Variants in KIF16B observed in about 807,000 individuals in gnomAD.
KIF16B encodes kinesin-like protein KIF16B.
A neutral mutation model predicts 156.3 loss-of-function variants in KIF16B; 98 were observed. The ratio of observed to expected loss-of-function variants is 0.63; its 90% CI spans 0.53 to 0.74. The LOEUF (loss-of-function observed/expected upper bound fraction) is 0.74, where lower values mean the gene tolerates loss of function less well. Ranked by LOEUF, KIF16B falls within the 30% of genes least tolerant of loss-of-function variation. The probability of loss-of-function intolerance (pLI) is 0.00; values close to 1 mark genes in which losing one functional copy is unlikely to be tolerated. For missense variants in KIF16B, 1,421 were observed against 1,606.5 expected (o/e 0.88, Z 1.97); for synonymous variants, 564 against 583.7 (o/e 0.97, Z 0.49).
At chr20:16,453,042 A>G (rs1411434212) in intron 12 of KIF16B, among the ~76,000 whole-genome samples, 1 of 152,022 alleles carries the variant, frequency 6.6e-6, no homozygotes, top group African/African-American at 2.4e-5. Context: ...AACTCTAAAT[A>G]GACCAAGTTC....
intron 12 of KIF16B, among the ~76,000 whole-genome samples, chr20:16,457,050 G>A (rs936484086): frequency 2.0e-5 from 3 of 152,098 alleles, no homozygotes; most frequent in Non-Finnish European, 4.4e-5. Context: ...TTACTTACAA[G>A]CTAGCTCTGG....
In KIF16B at chr20:16,528,443, G is replaced by A; in HGVS notation, c.48-3C>T. On this transcript the variant is annotated splice_region_variant and splice_polypyrimidine_tract_variant and intron_variant, in intron 1 of 25. Coordinates refer to ENST00000354981, the MANE Select transcript of KIF16B (RefSeq NM_024704.5). ...ACTTGGCCTCCAAGTCCTTTTCCCT[G>A]CAATACAAATAATTCAGTAGTGGTT... 1 of 1,597,450 alleles carries A rather than the reference G, an allele frequency of 6.3e-7. No individual in the cohort carries two copies. Among genetic ancestry groups the A allele is most frequent in the Non-Finnish European group, 8.6e-7 (1 of 1,164,898 alleles).
At chr20:16,492,660 C>A (rs1282521476) in intron 12 of KIF16B, among the ~76,000 whole-genome samples, 1 of 152,038 alleles carries the variant, frequency 6.6e-6, no homozygotes, top group Non-Finnish European at 1.5e-5. Context: ...ATACCCTTTA[C>A]AGAAACATTA....
In KIF16B at chr20:16,392,384, G is replaced by A. The variant is rs150403737; in HGVS notation, c.1785-10637C>T. Among the ~76,000 whole-genome samples, 417 of 152,278 alleles carry A rather than the reference G, an allele frequency of 2.7e-3. 1 individual carries two copies. The highest frequency in any genetic ancestry group is 9.6e-3 in the African/African-American group (399 of 41,550). On this transcript the variant is annotated intron_variant, in intron 17 of 25. Coordinates refer to ENST00000354981, the MANE Select transcript of KIF16B (RefSeq NM_024704.5). Reference sequence around the variant, plus strand: ...TATCCTGAAAAACCATTTTGGTGACGTCTATAGTGGGTGGCCCAAGAAGGG... The same window carrying A: ...TATCCTGAAAAACCATTTTGGTGACATCTATAGTGGGTGGCCCAAGAAGGG...
At chr20:16,546,132 A>G (rs140840884) in intron 1 of KIF16B, among the ~76,000 whole-genome samples, 1 of 152,206 alleles carries the variant, frequency 6.6e-6, no homozygotes, top group Non-Finnish European at 1.5e-5. Context: ...TGCCAAGCAC[A>G]GTGGTTTAAT....
At position 16,410,114 on chromosome 20, in the gene KIF16B, C is replaced by CAT. The variant is rs775063194; in HGVS notation, c.1613-3660_1613-3659dup. ...AGGTACATATATATATATGTAGGTA[C>CAT]ATATATATATGTAGGTACATATATA... On this transcript the variant is annotated intron_variant, in intron 15 of 25. Coordinates refer to ENST00000354981, the MANE Select transcript of KIF16B (RefSeq NM_024704.5). Among the ~76,000 whole-genome samples, 196 of 93,266 alleles carry CAT rather than the reference C, an allele frequency of 2.1e-3. 1 individual carries two copies. The highest frequency in any genetic ancestry group is 2.3e-3 in the Non-Finnish European group (103 of 44,182). The allele number at this position is 93,266 out of a possible 152,430, so 61.2% of individuals were successfully genotyped here.
chr20:16,571,169 A>G (rs1014122491), intron 1 of KIF16B, among the ~76,000 whole-genome samples: 1 of 152,172 alleles, frequency 6.6e-6, no homozygotes, highest in Non-Finnish European at 1.5e-5. Context: ...CACCTCCTTC[A>G]GCATCAAACC....
At chr20:16,299,723 G>A (rs974098710) in intron 25 of KIF16B, among the ~76,000 whole-genome samples, 3 of 152,064 alleles carry the variant, frequency 2.0e-5, no homozygotes, top group African/African-American at 7.2e-5. Context: ...AAGTACTTCT[G>A]GCTCTGCACA....
rs57114751 is a variant in KIF16B, at chr20:16,469,254, T to TAAAAAAAAAAAAAAAAAAAAAA, written c.1302+25015_1302+25036dup. ...GGTGACAGAGCAGGACCCTGTGTCT[T>TAAAAAAAAAAAAAAAAAAAAAA]AAAAAAAAAAAAAAAAAAAAAAAAA... is the stretch of plus-strand genomic sequence containing the variant. On this transcript the variant is annotated intron_variant, in intron 12 of 25. Transcript: ENST00000354981. 1.5e-4 allele frequency among the ~76,000 whole-genome samples: 10 copies of TAAAAAAAAAAAAAAAAAAAAAA among 66,074 alleles called. 1 individual carries two copies. The highest frequency in any genetic ancestry group is 2.7e-4 in the Non-Finnish European group (9 of 33,740). 43.3% of individuals were successfully genotyped at this position (66,074 alleles called of 152,430 possible). A position where few individuals can be genotyped will look rare whatever the true frequency, so the allele number is the denominator to read the frequency against.
In KIF16B at chr20:16,371,908, T is replaced by A. The variant is rs147513419; in HGVS notation, c.3351-147A>T. 4.2e-3 allele frequency: 2,552 copies of A among 602,184 alleles called. 11 individuals carry two copies. The highest frequency in any genetic ancestry group is 5.9e-3 in the Non-Finnish European group (2,012 of 338,392). 37.3% of individuals were successfully genotyped at this position (602,184 alleles called of 1,614,324 possible). A position where few individuals can be genotyped will look rare whatever the true frequency, so the allele number is the denominator to read the frequency against. On this transcript the variant is annotated intron_variant, in intron 20 of 25. Coordinates refer to ENST00000354981, the MANE Select transcript of KIF16B (RefSeq NM_024704.5). The stretch of plus-strand genomic sequence containing the variant: ...AACAACTTGAGAACTTCAACATTTT[T>A]ATTTTTTTCAAGAAATCTGGTGCTA...
chr20:16,420,177 T>C (rs1306254592), intron 15 of KIF16B, among the ~76,000 whole-genome samples: 1 of 152,190 alleles, frequency 6.6e-6, no homozygotes, highest in Non-Finnish European at 1.5e-5. Context: ...TCACAATTAA[T>C]GCTCACAGTA....
chr20:16,400,256 A>G (rs2065615355), intron 17 of KIF16B, among the ~76,000 whole-genome samples: 1 of 152,232 alleles, frequency 6.6e-6, no homozygotes, highest in Non-Finnish European at 1.5e-5. Context: ...ATTTTCAACA[A>G]TGGACACTCT....
chr20:16,500,519 T>C (rs998379937), intron 10 of KIF16B, among the ~76,000 whole-genome samples: 3 of 152,222 alleles, frequency 2.0e-5, no homozygotes, highest in Non-Finnish European at 4.4e-5. Context: ...AAAGAAGAGT[T>C]AAAATTTTCT....
chr20:16,497,116 T>C (rs903707815), intron 11 of KIF16B, among the ~76,000 whole-genome samples: 2 of 152,138 alleles, frequency 1.3e-5, no homozygotes, highest in Non-Finnish European at 2.9e-5. Context: ...AGATCTCTTC[T>C]CTCTTTGGTT....
chr20:16,378,710 T>G, intron 19 of KIF16B, 95 bp downstream of exon 19: 1 of 1,253,878 alleles, frequency 8.0e-7, no homozygotes, highest in Non-Finnish European at 1.1e-6. Flanking sequence ...AAAGAATAAG[T>G]TAAAAAAAAA....
chr20:16,511,616 T>C (rs1296379112), intron 5 of KIF16B, 89 bp from the exon 6 acceptor site: 1 of 757,942 alleles, frequency 1.3e-6, no homozygotes, highest in Non-Finnish European at 2.2e-6. Flanking sequence ...CCTGCTGACA[T>C]AAATGGCCAC....
intron 25 of KIF16B, among the ~76,000 whole-genome samples, chr20:16,298,741 CA>C (rs374601534): frequency 1.7e-4 from 26 of 150,044 alleles, no homozygotes; most frequent in African/African-American, 3.9e-4. Context: ...AGTGTTCTTG[CA>C]AAAAAAAATC....
intron 3 of KIF16B, among the ~76,000 whole-genome samples, chr20:16,522,890 G>A (rs1442657384): frequency 6.6e-6 from 1 of 151,932 alleles, no homozygotes; most frequent in Admixed American, 6.6e-5. Flanking sequence ...CAATCACATG[G>A]AAACTGAACA....
chr20:16,527,651 A>T lies in KIF16B; in HGVS notation c.117+720T>A, dbSNP rs375449860. ...GAGTGCAGTGGCACAAACAGGGCTC[A>T]CTGTAGCCTTGATCTCCTGGGCTCA... On this transcript the variant is annotated intron_variant, in intron 2 of 25. Transcript: ENST00000354981. Among the ~76,000 whole-genome samples the T allele has an allele frequency of 6.2e-4, 94 of 152,258 alleles. 1 individual carries two copies. In the South Asian group the frequency reaches 0.016, roughly 27 times the overall value.
Sources: gnomAD v4.1 joint callset for allele counts (sites outside exome capture counted in the v4.1 genomes callset) on GRCh38, gnomAD v4.1.1 for gene constraint, MANE v1.5 for transcripts, NCBI Gene and HGNC (gene_info 2026-07-23, HGNC 2026-07-21) for gene names.